POLN: variants seen among roughly 807,000 people sequenced by gnomAD.
POLN encodes DNA polymerase N.
POLN carries 108 observed loss-of-function variants against 113.5 expected under a neutral mutation model. That is an observed-to-expected ratio of 0.95 (90% CI 0.81 to 1.12). The LOEUF is 1.12. Among genes scored for constraint, POLN ranks in the 50% most tolerant of loss-of-function variants. POLN has a pLI of 0.00. For missense variants in POLN, 1,097 were observed against 1,077.1 expected, an observed-to-expected ratio of 1.02 and a Z score of -0.26; for synonymous variants, 386 against 391.5, an observed-to-expected ratio of 0.99 and a Z score of 0.17.
chr4:2,077,807 G>A (rs1488868325), intron 23 of POLN, among the ~76,000 whole-genome samples: 2 of 152,212 alleles, frequency 1.3e-5, no homozygotes, highest in Admixed American at 1.3e-4. Context: ...ACATGACCGC[G>A]CTTCTAACTG....
In POLN at chr4:2,213,028, C is replaced by A; in HGVS notation, c.213+19G>T. 1 of 1,546,668 alleles carries A rather than the reference C, an allele frequency of 6.5e-7. No individual in the cohort carries two copies. Among genetic ancestry groups the A allele is most frequent in the South Asian group, 1.2e-5 (1 of 86,888 alleles). ...AATAAGTTATCTATTTAAAATTACT[C>A]ATATGTGCAATGATTTACCTTTTTT... On this transcript the variant is annotated intron_variant, in intron 4 of 25. Coordinates refer to ENST00000511885, the MANE Select transcript of POLN (RefSeq NM_181808.4).
At chr4:2,083,414 G>A (rs950415547) in intron 21 of POLN, among the ~76,000 whole-genome samples, 1 of 152,148 alleles carries the variant, frequency 6.6e-6, no homozygotes, top group African/African-American at 2.4e-5. Context: ...CGAGCAATAC[G>A]CTACCCACTG....
intron 19 of POLN, among the ~76,000 whole-genome samples, chr4:2,103,497 C>A (rs899868244): frequency 6.6e-6 from 1 of 152,030 alleles, no homozygotes; most frequent in African/African-American, 2.4e-5. Context: ...ATTGGTATTC[C>A]TGAGGTTGAA....
intron 16 of POLN, among the ~76,000 whole-genome samples, chr4:2,139,429 T>C (rs114226524): frequency 0.013 from 1,915 of 152,302 alleles, 47 homozygotes; most frequent in African/African-American, 0.044. Context: ...AACAGCACTT[T>C]CAAAGGTGAA....
intron 23 of POLN, among the ~76,000 whole-genome samples, chr4:2,076,021 C>T (rs1382987521): frequency 1.3e-5 from 2 of 152,164 alleles, no homozygotes; most frequent in African/African-American, 2.4e-5. Flanking sequence ...TCCGAGACCT[C>T]GCTCTGGTGA....
chr4:2,162,222 G>A (rs959091123), intron 13 of POLN, among the ~76,000 whole-genome samples: 3 of 152,026 alleles, frequency 2.0e-5, no homozygotes, highest in Non-Finnish European at 4.4e-5. Flanking sequence ...CACTCACTGC[G>A]AAGGTCTGCA....
chr4:2,217,223 A>G (rs1317080870), intron 3 of POLN, among the ~76,000 whole-genome samples: 1 of 152,186 alleles, frequency 6.6e-6, no homozygotes, highest in Non-Finnish European at 1.5e-5. Context: ...CCTTCCACAC[A>G]AAGTAGATAG....
intron 13 of POLN, among the ~76,000 whole-genome samples, chr4:2,167,343 A>C (rs1454024281): frequency 1.3e-5 from 2 of 152,178 alleles, no homozygotes; most frequent in East Asian, 3.9e-4. Flanking sequence ...CACTGCAGAA[A>C]AAAAACACCA....
At chr4:2,206,897 G>C (rs1733858281) in intron 5 of POLN, among the ~76,000 whole-genome samples, 1 of 152,130 alleles carries the variant, frequency 6.6e-6, no homozygotes, top group Non-Finnish European at 1.5e-5. Flanking sequence ...CCCACTACTG[G>C]GTATCTACCC....
At chr4:2,239,041 A>C (rs1158449349) in intron 2 of POLN, 1 of 1,481,666 alleles carries the variant, frequency 6.7e-7, no homozygotes, top group Non-Finnish European at 9.0e-7. Flanking sequence ...CTTTGTCCAC[A>C]GCCTATACAA....
chr4:2,079,699 C>T, intron 23 of POLN: 1 of 831,892 alleles, frequency 1.2e-6, no homozygotes, highest in Non-Finnish European at 1.4e-6. Context: ...ATCCTCCTGC[C>T]TCAGCCTCCT....
chr4:2,194,338 A>T (rs1024864109), intron 6 of POLN, among the ~76,000 whole-genome samples: 3 of 152,296 alleles, frequency 2.0e-5, no homozygotes, highest in Admixed American at 6.5e-5. Flanking sequence ...CAAGAGCCTA[A>T]TGAGCTTTGC....
chr4:2,073,663 G>T (rs1182883148), intron 24 of POLN, among the ~76,000 whole-genome samples: 2 of 152,222 alleles, frequency 1.3e-5, no homozygotes, highest in Non-Finnish European at 2.9e-5. Context: ...GCTTTCTCAG[G>T]GCTTGCTCTG....
At chr4:2,225,104 C>T (rs915645612) in intron 3 of POLN, among the ~76,000 whole-genome samples, 4 of 152,048 alleles carry the variant, frequency 2.6e-5, no homozygotes, top group Middle Eastern at 3.4e-3. Context: ...TTATGCAACA[C>T]ATGACTCTCC....
At chr4:2,161,220 G>T (rs566180706) in intron 13 of POLN, among the ~76,000 whole-genome samples, 2 of 152,242 alleles carry the variant, frequency 1.3e-5, no homozygotes. Flanking sequence ...CCCCTTTCTG[G>T]GCTGGCCAAG....
intron 7 of POLN, among the ~76,000 whole-genome samples, chr4:2,188,998 G>T (rs1733363622): frequency 6.7e-6 from 1 of 149,644 alleles, no homozygotes; most frequent in East Asian, 2.0e-4. Context: ...ATAACTATAA[G>T]ATTTTTTTTG....
intron 16 of POLN, among the ~76,000 whole-genome samples, chr4:2,140,463 T>G (rs1481123691): frequency 6.6e-6 from 1 of 151,936 alleles, no homozygotes. Flanking sequence ...ATTTGCCACT[T>G]GGGCTGGACG....
chr4:2,155,494 C>T (rs899655333), intron 16 of POLN, among the ~76,000 whole-genome samples: 1 of 152,122 alleles, frequency 6.6e-6, no homozygotes, highest in Non-Finnish European at 1.5e-5. Flanking sequence ...TGAGTGTGTC[C>T]CTCTGCCTGC....
chr4:2,082,304 G>T (rs1018844354), intron 21 of POLN, among the ~76,000 whole-genome samples: 2 of 152,110 alleles, frequency 1.3e-5, no homozygotes, highest in African/African-American at 2.4e-5. Context: ...GCTGCACCTG[G>T]ATCTCACACA....
Sources: gnomAD v4.1 joint callset for allele counts (sites outside exome capture counted in the v4.1 genomes callset) on GRCh38, gnomAD v4.1.1 for gene constraint, MANE v1.5 for transcripts, NCBI Gene and HGNC (gene_info 2026-07-23, HGNC 2026-07-21) for gene names.